Variants in RNF130 observed in about 807,000 individuals in gnomAD.
RNF130 encodes ring finger protein 130, also known as E3 ubiquitin-protein ligase RNF130.
In RNF130, 21 loss-of-function variants were observed where a neutral mutation model predicts 44.6. That is an observed-to-expected ratio of 0.47 (90% CI 0.33 to 0.68). The LOEUF (loss-of-function observed/expected upper bound fraction) is 0.68. Among genes scored for constraint, RNF130 ranks in the 30% least tolerant of loss-of-function variants. The pLI is 0.02. For synonymous variants in RNF130, 214 were observed against 210.4 expected (o/e 1.02, Z -0.15); for missense variants, 479 against 560.6 (o/e 0.85, Z 1.47).
At chr5:179,945,474 A>T (rs1376203019) in intron 7 of RNF130, among the ~76,000 whole-genome samples, 1 of 152,186 alleles carries the variant, frequency 6.6e-6, no homozygotes, top group African/African-American at 2.4e-5. Context: ...GAGCAACACT[A>T]AACGCCGGGT....
chr5:179,922,912 C>G (rs1761655117), intron 7 of RNF130, among the ~76,000 whole-genome samples: 1 of 151,800 alleles, frequency 6.6e-6, no homozygotes, highest in Non-Finnish European at 1.5e-5. Context: ...CCAGCCTGTG[C>G]TACAGAAAAA....
At chr5:180,021,252 T>C (rs1483372129) in intron 2 of RNF130, among the ~76,000 whole-genome samples, 1 of 152,198 alleles carries the variant, frequency 6.6e-6, no homozygotes, top group Non-Finnish European at 1.5e-5. Flanking sequence ...CCTCCCAAAG[T>C]GCTGGGATTA....
intron 2 of RNF130, 105 bp from the exon 3 acceptor site, chr5:180,013,416 G>T: frequency 9.8e-7 from 1 of 1,020,932 alleles, no homozygotes; most frequent in Non-Finnish European, 1.4e-6. Flanking sequence ...TCTGGTAATG[G>T]AAAGGGTATG....
chr5:180,043,404 C>T (rs1299439207), intron 1 of RNF130, among the ~76,000 whole-genome samples: 2 of 152,116 alleles, frequency 1.3e-5, no homozygotes, highest in African/African-American at 2.4e-5. Context: ...GACATTCATC[C>T]TATGTTGTCT....
chr5:180,044,193 G>A (rs1301961724), intron 1 of RNF130, among the ~76,000 whole-genome samples: 2 of 151,960 alleles, frequency 1.3e-5, no homozygotes, highest in African/African-American at 4.8e-5. Flanking sequence ...TCAGAATAAC[G>A]GTACTTCCGT....
At chr5:180,021,268 G>A (rs966663972) in intron 2 of RNF130, among the ~76,000 whole-genome samples, 3 of 152,150 alleles carry the variant, frequency 2.0e-5, no homozygotes, top group South Asian at 2.1e-4. Flanking sequence ...GATTACAGGC[G>A]TGAGCCACTG....
intron 3 of RNF130, among the ~76,000 whole-genome samples, chr5:180,002,203 T>A (rs1278979103): frequency 6.6e-6 from 1 of 152,222 alleles, no homozygotes; most frequent in Admixed American, 6.5e-5. Flanking sequence ...ATGATTGCTC[T>A]GAGTGTTCAA....
chr5:179,941,180 G>A (rs561556992), intron 7 of RNF130, among the ~76,000 whole-genome samples: 1 of 152,110 alleles, frequency 6.6e-6, no homozygotes, highest in East Asian at 1.9e-4. Flanking sequence ...TTGGTCATTT[G>A]GTCTTATCTC....
chr5:180,055,648 G>A (rs558110986), intron 1 of RNF130, among the ~76,000 whole-genome samples: 2 of 152,232 alleles, frequency 1.3e-5, no homozygotes, highest in South Asian at 4.1e-4. Flanking sequence ...TCAGTTACAG[G>A]ATTTACAGAC....
intron 7 of RNF130, among the ~76,000 whole-genome samples, chr5:179,924,145 G>A (rs567306825): frequency 6.6e-6 from 1 of 152,152 alleles, no homozygotes; most frequent in South Asian, 2.1e-4. Context: ...GGGAGTTCAA[G>A]TCCAGCCTGG....
At chr5:180,018,640 C>A (rs1763797690) in intron 2 of RNF130, among the ~76,000 whole-genome samples, 1 of 152,174 alleles carries the variant, frequency 6.6e-6, no homozygotes, top group African/African-American at 2.4e-5. Context: ...TCACAGAAAG[C>A]AAAAGAAAAT....
intron 1 of RNF130, among the ~76,000 whole-genome samples, chr5:180,042,449 T>C (rs1452829651): frequency 6.6e-6 from 1 of 152,214 alleles, no homozygotes; most frequent in Non-Finnish European, 1.5e-5. Context: ...TAAACGGGGA[T>C]AGAAGCCTAT....
intron 1 of RNF130, among the ~76,000 whole-genome samples, chr5:180,064,354 C>G (rs1765050406): frequency 6.6e-6 from 1 of 152,140 alleles, no homozygotes; most frequent in East Asian, 1.9e-4. Flanking sequence ...CTGCATGCAT[C>G]TATGAAAAAA....
At chr5:179,923,671 C>T (rs1761664901) in intron 7 of RNF130, among the ~76,000 whole-genome samples, 2 of 152,188 alleles carry the variant, frequency 1.3e-5, no homozygotes, top group South Asian at 4.1e-4. Context: ...ACTTCCCTTT[C>T]CTGTACCTCA....
Position 180,056,340 on chromosome 5 carries a change from A to G in RNF130, c.247+15116T>C, listed in dbSNP as rs1764822303. ...GCTACATGTGGATGTGCAACAGAGAAAGTCTGTGTCCTGTTACTATAGAGA... is the reference window on the plus strand; with the variant it reads ...GCTACATGTGGATGTGCAACAGAGAGAGTCTGTGTCCTGTTACTATAGAGA... On this transcript the variant is annotated intron_variant, in intron 1 of 8. Transcript: ENST00000521389. Among the ~76,000 whole-genome samples the G allele has an allele frequency of 2.0e-5, 3 of 152,254 alleles. No individual in the cohort carries two copies. In the South Asian group the frequency reaches 6.2e-4, roughly 32 times the overall value.
intron 1 of RNF130, among the ~76,000 whole-genome samples, chr5:180,058,752 G>A (rs1189208385): frequency 6.6e-6 from 1 of 152,036 alleles, no homozygotes; most frequent in Non-Finnish European, 1.5e-5. Context: ...AGTGGAGATG[G>A]GGTTTCACCA....
chr5:180,010,783 G>A (rs761007589), intron 3 of RNF130, among the ~76,000 whole-genome samples: 1 of 152,162 alleles, frequency 6.6e-6, no homozygotes, highest in Non-Finnish European at 1.5e-5. Context: ...TAGCACAAGG[G>A]TTCCTTGTGA....
At chr5:179,926,027 G>A (rs928214649) in intron 7 of RNF130, among the ~76,000 whole-genome samples, 3 of 152,172 alleles carry the variant, frequency 2.0e-5, no homozygotes, top group African/African-American at 7.2e-5. Context: ...GATTCTGATT[G>A]GTGCTCAGTG....
At chr5:179,936,719 A>C (rs1446417184) in intron 7 of RNF130, among the ~76,000 whole-genome samples, 2 of 152,220 alleles carry the variant, frequency 1.3e-5, no homozygotes, top group East Asian at 3.8e-4. Flanking sequence ...CAATTCTAAG[A>C]CTACTATAAA....
Sources: allele counts gnomAD v4.1 joint callset (sites outside exome capture counted in the v4.1 genomes callset), GRCh38; gene constraint gnomAD v4.1.1; transcripts MANE v1.5; gene names NCBI Gene and HGNC (gene_info 2026-07-23, HGNC 2026-07-21).